TMEM143: variants seen among roughly 807,000 people sequenced by gnomAD.
TMEM143 encodes the protein transmembrane protein 143.
TMEM143 carries 45 observed loss-of-function variants against 40.3 expected under a neutral mutation model. The ratio of observed to expected loss-of-function variants is 1.12; its 90% CI spans 0.88 to 1.43. TMEM143 has a LOEUF of 1.43. TMEM143 is among the 40% of genes most tolerant of loss of function. The pLI is 0.00. For synonymous variants in TMEM143, 299 were observed against 282.7 expected, an observed-to-expected ratio of 1.06 and a Z score of -0.58; for missense variants, 620 against 613.4, an observed-to-expected ratio of 1.01 and a Z score of -0.11.
At chr19:48,334,302 C>G in intron 6 of TMEM143, 105 bp from the exon 7 acceptor site, 1 of 1,283,410 alleles carries the variant, frequency 7.8e-7, no homozygotes. Flanking sequence ...GCTTACTCCC[C>G]TGAGGAGGCG....
chr19:48,343,432 T>C lies in TMEM143; in HGVS notation c.584A>G (p.Gln195Arg), dbSNP rs142584350. The change falls in exon 5 of 8, where the codon CAG becomes CGG. Residue 195 changes from glutamine (Q) to arginine (R), a missense_variant. Gln to Arg is a conservative substitution (Grantham distance 43). Transcript: ENST00000293261. Reference sequence around the variant, plus strand: ...GGCCCAGAAGTGAATGTAGACATACTGATCCAAATTTACTGTCACCTGCCG... The same window carrying C: ...GGCCCAGAAGTGAATGTAGACATACCGATCCAAATTTACTGTCACCTGCCG... ...DEVQVTVNLDQYVYIHFWALG... is the reference protein window; with the variant it reads ...DEVQVTVNLDRYVYIHFWALG... The C allele has an allele frequency of 3.2e-4, 513 of 1,582,174 alleles. No homozygotes were observed. Among genetic ancestry groups the C allele is most frequent in the Non-Finnish European group, 3.9e-4 (457 of 1,163,608 alleles).
At position 48,333,312 on chromosome 19, in the gene TMEM143, T is replaced by A; in HGVS notation, c.1287A>T (p.Gly429=). 6.2e-7 allele frequency: 1 copy of A among 1,605,218 alleles called. No homozygotes were observed. Among genetic ancestry groups the A allele is most frequent in the Non-Finnish European group, 8.5e-7 (1 of 1,174,106 alleles). Residue 429 remains glycine, a synonymous_variant, in exon 8 of 8, where the codon GGA becomes GGT. Transcript: ENST00000293261. The surrounding 1 kb of genome is among the most constrained non-coding windows in gnomAD (Gnocchi z 4.1). Reference sequence around the variant, plus strand: ...TGGGGAAACCCGGGGGTGGGTACAATCCCATGCTGGGGGTCAGGGCCTGCA... The same window carrying A: ...TGGGGAAACCCGGGGGTGGGTACAAACCCATGCTGGGGGTCAGGGCCTGCA... ...AHLQALTPSM[G]LYPPPGFPKL...
intron 3 of TMEM143, among the ~76,000 whole-genome samples, chr19:48,350,751 G>A (rs903417675): frequency 2.6e-5 from 4 of 151,568 alleles, no homozygotes; most frequent in South Asian, 2.1e-4. Flanking sequence ...GTGAAACCCC[G>A]TCTCTACTGA....
chr19:48,363,494 G>C lies in TMEM143; in HGVS notation c.61C>G (p.Arg21Gly), dbSNP rs1046618758. The part of the protein sequence containing the change: ...GKGLAMLHVT[R>G]GVWGSRVRVW... Reference sequence around the variant, plus strand: ...CGGACCCTGGACCCCCAGACCCCCCGGGTCACATGCAGCATGGCTAGACCC... The same window carrying C: ...CGGACCCTGGACCCCCAGACCCCCCCGGTCACATGCAGCATGGCTAGACCC... Residue 21 changes from arginine to glycine, a missense_variant, in exon 2 of 8, where the codon CGG becomes GGG. Coordinates refer to ENST00000293261, the MANE Select transcript of TMEM143 (RefSeq NM_018273.4). 6.8e-6 allele frequency: 11 copies of C among 1,613,756 alleles called. No homozygotes were observed. Among genetic ancestry groups the C allele is most frequent in the East Asian group, 4.5e-5 (2 of 44,882 alleles).
chr19:48,335,574 T>C (rs544386550), intron 6 of TMEM143, among the ~76,000 whole-genome samples: 1 of 151,998 alleles, frequency 6.6e-6, no homozygotes, highest in African/African-American at 2.4e-5. Context: ...AAATACAAAA[T>C]TAGCCGGGCA....
rs770769269 is a variant in TMEM143, at chr19:48,343,301, G to GCT, written c.695+19_695+20insAG. The GCT allele has an allele frequency of 1.6e-5, 25 of 1,606,438 alleles. No individual in the cohort carries two copies. The South Asian group carries it at 2.7e-4, about 17-fold the overall frequency. On this transcript the variant is annotated intron_variant, in intron 5 of 7. Coordinates refer to ENST00000293261, the MANE Select transcript of TMEM143 (RefSeq NM_018273.4). ...ACCTTGCTCCCTCTTGCTGCAGCTG[G>GCT]GGAACAAGGGCCGCCTCACCTCTCC...
At chr19:48,363,714 C>A in intron 1 of TMEM143, 183 bp from the exon 2 acceptor site, 1 of 1,363,214 alleles carries the variant, frequency 7.3e-7, no homozygotes. Flanking sequence ...GGGTCCCAGA[C>A]AGGGGTCAGA....
intron 3 of TMEM143, among the ~76,000 whole-genome samples, chr19:48,357,315 T>C (rs1055767169): frequency 5.3e-5 from 8 of 150,562 alleles, no homozygotes; most frequent in Non-Finnish European, 1.0e-4. Context: ...ACCTCTCCCT[T>C]CACCTCCAGA....
intron 3 of TMEM143, among the ~76,000 whole-genome samples, chr19:48,355,110 G>A (rs929348564): frequency 2.0e-5 from 3 of 151,698 alleles, no homozygotes; most frequent in Non-Finnish European, 2.9e-5. Flanking sequence ...TCCACCTCCC[G>A]GGTTCAAGTG....
At chr19:48,339,645 G>C (rs1307568475) in intron 6 of TMEM143, among the ~76,000 whole-genome samples, 1 of 152,112 alleles carries the variant, frequency 6.6e-6, no homozygotes, top group Admixed American at 6.6e-5. Context: ...TTGCAATGAA[G>C]ACAGAGATCT....
At chr19:48,347,554 C>CTTT (rs1309165553) in intron 3 of TMEM143, among the ~76,000 whole-genome samples, 15 of 128,444 alleles carry the variant, frequency 1.2e-4, no homozygotes, top group Non-Finnish European at 1.5e-4. Flanking sequence ...CTCTACAAAA[C>CTTT]TTTTTTTTTT....
Position 48,338,719 on chromosome 19 carries a change from C to G in TMEM143, c.975+3811G>C, listed in dbSNP as rs139955967. Among the ~76,000 whole-genome samples, 230 of 152,262 alleles carry G rather than the reference C, an allele frequency of 1.5e-3. 1 individual carries two copies. The highest frequency in any genetic ancestry group is 5.3e-3 in the African/African-American group (219 of 41,560). The stretch of plus-strand genomic sequence containing the variant: ...CCAGGGCAGGATCGGGCTGCTGCAT[C>G]TCAGGGGCACCAGTTCAACATCCCT... On this transcript the variant is annotated intron_variant, in intron 6 of 7. Coordinates refer to ENST00000293261, the MANE Select transcript of TMEM143 (RefSeq NM_018273.4).
At chr19:48,342,464 C>A in intron 6 of TMEM143, 66 bp downstream of exon 6, 1 of 1,508,784 alleles carries the variant, frequency 6.6e-7, no homozygotes. Flanking sequence ...ACAGAGACAA[C>A]TACAGGGGGC....
At chr19:48,343,094 T>A (rs933154779) in intron 5 of TMEM143, 13 of 706,032 alleles carry the variant, frequency 1.8e-5, no homozygotes, top group Non-Finnish European at 3.0e-5. Flanking sequence ...GTTTTCCTTA[T>A]TGGAAAATGG....
chr19:48,347,869 T>TA lies in TMEM143; in HGVS notation c.370-2516dup, dbSNP rs1555886653. On this transcript the variant is annotated intron_variant, in intron 3 of 7. Coordinates refer to ENST00000293261, the MANE Select transcript of TMEM143 (RefSeq NM_018273.4). ...CCGCATCTGGTCTTTTTTTTTTTTTTAATTAGCCAGGCACAATAGTGCATG... is the reference window on the plus strand; with the variant it reads ...CCGCATCTGGTCTTTTTTTTTTTTTTAAATTAGCCAGGCACAATAGTGCATG... Among the ~76,000 whole-genome samples, 887 of 146,216 alleles carry TA rather than the reference T, an allele frequency of 6.1e-3. 9 individuals carry two copies. The highest frequency in any genetic ancestry group is 0.013 in the African/African-American group (529 of 39,950).
At chr19:48,349,027 T>C (rs1969707311) in intron 3 of TMEM143, among the ~76,000 whole-genome samples, 1 of 151,842 alleles carries the variant, frequency 6.6e-6, no homozygotes, top group African/African-American at 2.4e-5. Context: ...AAAAAATACA[T>C]TTATATATAT....
At chr19:48,351,775 A>G (rs1159988027) in intron 3 of TMEM143, among the ~76,000 whole-genome samples, 1 of 152,084 alleles carries the variant, frequency 6.6e-6, no homozygotes, top group Non-Finnish European at 1.5e-5. Flanking sequence ...CTGCTCAGTG[A>G]GGCCTTCCTG....
At chr19:48,363,133 C>T (rs570261251) in intron 2 of TMEM143, among the ~76,000 whole-genome samples, 158 bp downstream of exon 2, 37 of 152,302 alleles carry the variant, frequency 2.4e-4, no homozygotes, top group African/African-American at 8.4e-4. Context: ...TCCTGCATTC[C>T]AGCTCATCTC....
intron 5 of TMEM143, 97 bp downstream of exon 5, chr19:48,343,224 G>A: frequency 6.9e-7 from 1 of 1,451,896 alleles, no homozygotes; most frequent in Non-Finnish European, 9.1e-7. Flanking sequence ...TTCCCGCCTG[G>A]GGCCCAGACA....
Sources: allele counts gnomAD v4.1 joint callset (sites outside exome capture counted in the v4.1 genomes callset), GRCh38; gene constraint gnomAD v4.1.1; non-coding constraint Gnocchi (gnomAD v3.1); transcripts MANE v1.5; gene names NCBI Gene and HGNC (gene_info 2026-07-23, HGNC 2026-07-21).